Variants in RIMS2 observed in about 807,000 individuals in gnomAD.
RIMS2 encodes regulating synaptic membrane exocytosis 2.
Under a neutral mutation model 174.4 loss-of-function variants are expected in RIMS2, and 59 were observed. The observed-to-expected ratio is 0.34, with a 90% CI of 0.27 to 0.42. The LOEUF is 0.42. Ranked by LOEUF, RIMS2 falls within the 10% of genes least tolerant of loss-of-function variation. The pLI is 1.00. For missense variants in RIMS2, 1,620 were observed against 1,666.3 expected, an observed-to-expected ratio of 0.97 and a Z score of 0.48; for synonymous variants, 606 against 572.5, an observed-to-expected ratio of 1.06 and a Z score of -0.84.
intron 2 of RIMS2, among the ~76,000 whole-genome samples, chr8:103,730,237 C>A (rs1052931704): frequency 6.6e-6 from 1 of 151,984 alleles, no homozygotes; most frequent in East Asian, 1.9e-4. Flanking sequence ...TATTTGCTTT[C>A]TATTTCTGGG....
At chr8:103,977,223 C>T (rs1008549091) in intron 16 of RIMS2, 2 of 152,084 alleles carry the variant, frequency 1.3e-5, no homozygotes, top group Admixed American at 6.6e-5. Flanking sequence ...AGAAATTAAA[C>T]AATATCTGAC....
At chr8:104,040,419 C>G (rs1461028359) in intron 19 of RIMS2, among the ~76,000 whole-genome samples, 1 of 151,666 alleles carries the variant, frequency 6.6e-6, no homozygotes, top group East Asian at 1.9e-4. Context: ...CTCAGTTTAA[C>G]AGACATTTTT....
At position 103,943,146 on chromosome 8, in the gene RIMS2, A is replaced by G. The variant is rs187700952; in HGVS notation, c.2701+220A>G. Among the ~76,000 whole-genome samples the G allele has an allele frequency of 3.9e-5, 6 of 152,316 alleles. No homozygotes were observed. In the East Asian group the frequency reaches 1.2e-3, roughly 29 times the overall value. ...TAGCATTCACCTATCACAATGTTGA[A>G]GTGGTTTATATTTGTATTTTGGATG... On this transcript the variant is annotated intron_variant, in intron 14 of 23. Transcript: ENST00000504942.
intron 2 of RIMS2, among the ~76,000 whole-genome samples, chr8:103,744,831 G>A (rs1464968546): frequency 6.6e-6 from 1 of 152,134 alleles, no homozygotes; most frequent in Non-Finnish European, 1.5e-5. Context: ...CTCTTTAATT[G>A]ACATCTATTG....
intron 3 of RIMS2, among the ~76,000 whole-genome samples, chr8:103,841,364 A>G (rs1053345525): frequency 6.6e-6 from 1 of 151,950 alleles, no homozygotes; most frequent in Non-Finnish European, 1.5e-5. Context: ...TCTCATACAT[A>G]TTACTTTATA....
chr8:103,811,271 A>AT (rs989613455), intron 3 of RIMS2, among the ~76,000 whole-genome samples: 4 of 151,594 alleles, frequency 2.6e-5, no homozygotes, highest in East Asian at 3.9e-4. Context: ...GATTTTCCAA[A>AT]TTTTTTTTTC....
intron 6 of RIMS2, 112 bp from the exon 10 acceptor site, chr8:103,915,383 T>C: frequency 1.9e-6 from 1 of 520,518 alleles, no homozygotes; most frequent in Non-Finnish European, 3.5e-6. Flanking sequence ...TTTCTGTACA[T>C]TAAATTAGCG....
At chr8:103,961,500 G>A (rs2154545586) in intron 15 of RIMS2, among the ~76,000 whole-genome samples, 1 of 152,162 alleles carries the variant, frequency 6.6e-6, no homozygotes, top group South Asian at 2.1e-4. Flanking sequence ...ATCTAAATAT[G>A]TCAAATGTTT....
chr8:104,120,135 G>A (rs2098349454), intron 19 of RIMS2, among the ~76,000 whole-genome samples: 1 of 152,122 alleles, frequency 6.6e-6, no homozygotes, highest in Non-Finnish European at 1.5e-5. Context: ...TCTCACTCAT[G>A]TAGAGAGCAA....
chr8:103,925,101 T>C (rs2078505046), intron 10 of RIMS2, among the ~76,000 whole-genome samples: 1 of 151,604 alleles, frequency 6.6e-6, no homozygotes, highest in Non-Finnish European at 1.5e-5. Context: ...TGGCTAGTTT[T>C]ATAATAGGGC....
chr8:103,614,394 G>A (rs1462472839), intron 1 of RIMS2, among the ~76,000 whole-genome samples: 1 of 152,246 alleles, frequency 6.6e-6, no homozygotes, highest in East Asian at 1.9e-4. Context: ...GTGCTGCATG[G>A]CCTTTGCTAG....
At chr8:103,967,446 G>A (rs551058000) in intron 15 of RIMS2, among the ~76,000 whole-genome samples, 22 of 151,736 alleles carry the variant, frequency 1.4e-4, no homozygotes, top group Non-Finnish European at 2.7e-4. Context: ...CACCAGCCTC[G>A]GCCTCCCACA....
chr8:104,251,958 G>C, downstream of RIMS2: 1 of 631,868 alleles, frequency 1.6e-6, no homozygotes, highest in South Asian at 2.0e-5. Context: ...AAGCAATCCT[G>C]TGTTCTCAGA....
At chr8:104,132,947 T>C (rs1475311693) in intron 19 of RIMS2, among the ~76,000 whole-genome samples, 1 of 152,164 alleles carries the variant, frequency 6.6e-6, no homozygotes. Flanking sequence ...AACCAAAAAC[T>C]TTGTGTTTTA....
chr8:103,907,922 T>A (rs938895978), intron 4 of RIMS2, among the ~76,000 whole-genome samples: 1 of 150,696 alleles, frequency 6.6e-6, no homozygotes, highest in South Asian at 2.1e-4. Flanking sequence ...ACTTTTTGTA[T>A]TTTTTTTAGT....
At chr8:103,796,447 T>A (rs2098550429) in intron 3 of RIMS2, among the ~76,000 whole-genome samples, 1 of 152,184 alleles carries the variant, frequency 6.6e-6, no homozygotes, top group Non-Finnish European at 1.5e-5. Context: ...GATTTTCCAG[T>A]GGAACATAGG....
At chr8:104,136,097 A>C (rs2098517071) in intron 19 of RIMS2, among the ~76,000 whole-genome samples, 1 of 152,178 alleles carries the variant, frequency 6.6e-6, no homozygotes, top group Admixed American at 6.6e-5. Flanking sequence ...GTAGAGAATT[A>C]CTCTGTCTAC....
At chr8:103,795,039 G>A (rs1451990179) in intron 3 of RIMS2, among the ~76,000 whole-genome samples, 1 of 152,184 alleles carries the variant, frequency 6.6e-6, no homozygotes, top group Non-Finnish European at 1.5e-5. Flanking sequence ...ATTCCTCAGG[G>A]ATCTAGAACT....
At chr8:103,522,731 A>G (rs1832308868) in intron 1 of RIMS2, among the ~76,000 whole-genome samples, 1 of 152,182 alleles carries the variant, frequency 6.6e-6, no homozygotes, top group South Asian at 2.1e-4. Flanking sequence ...AATTACAATA[A>G]CCTTAATTTC....
Sources: gnomAD v4.1 joint callset for allele counts (sites outside exome capture counted in the v4.1 genomes callset) on GRCh38, gnomAD v4.1.1 for gene constraint, MANE v1.5 for transcripts, NCBI Gene and HGNC (gene_info 2026-07-23, HGNC 2026-07-21) for gene names.